The following CAPN9 variants were observed in gnomAD, a reference collection of about 807,000 sequenced individuals.
CAPN9 encodes the protein calpain 9, also known as calpain-9.
Under a neutral mutation model 92.8 loss-of-function variants are expected in CAPN9, and 81 were observed. The ratio of observed to expected loss-of-function variants is 0.87; its 90% CI spans 0.73 to 1.05. The LOEUF (loss-of-function observed/expected upper bound fraction) is 1.05. Among genes scored for constraint, CAPN9 ranks in the 50% least tolerant of loss-of-function variants. CAPN9 has a pLI of 0.00. For synonymous variants in CAPN9, 304 were observed against 328.0 expected, an observed-to-expected ratio of 0.93 and a Z score of 0.79; for missense variants, 848 against 866.2, an observed-to-expected ratio of 0.98 and a Z score of 0.26.
chr1:230,757,120 C>T (rs1407891551), intron 2 of CAPN9, among the ~76,000 whole-genome samples: 1 of 152,038 alleles, frequency 6.6e-6, no homozygotes, highest in Non-Finnish European at 1.5e-5. Flanking sequence ...AGAGGGCTGA[C>T]TTGGTATAGG....
chr1:230,801,514 G>A (rs1051785282), intron 19 of CAPN9, 56 bp from the exon 20 acceptor site: 1 of 1,580,640 alleles, frequency 6.3e-7, no homozygotes, highest in Non-Finnish European at 8.7e-7. Context: ...CTGAGGCTGA[G>A]GCTGGAAGGG....
At position 230,800,217 on chromosome 1, in the gene CAPN9, AAATAAGAAAGAAAG is replaced by A. The variant is rs1361191720; in HGVS notation, c.2047-1350_2047-1337del. 4.3e-4 allele frequency among the ~76,000 whole-genome samples: 38 copies of A among 89,032 alleles called. 4 individuals carry two copies. The highest frequency in any genetic ancestry group is 1.1e-3 in the South Asian group (3 of 2,810). 58.4% of individuals were successfully genotyped at this position (89,032 alleles called of 152,430 possible). On this transcript the variant is annotated intron_variant, in intron 19 of 19. Transcript: ENST00000271971. ...GAAGGAAAAGAAAGAAAAGAAAGAA[AAATAAGAAAGAAAG>A]AAGAAAGAAAGAAAGAAAGAAAGAA...
intron 9 of CAPN9, 81 bp from the exon 10 acceptor site, chr1:230,780,098 G>A: frequency 2.3e-6 from 2 of 880,800 alleles, no homozygotes; most frequent in South Asian, 1.6e-5. Flanking sequence ...GTGTGTGTGT[G>A]TGTGTGTGTG....
At chr1:230,756,764 C>A (rs531581068) in intron 2 of CAPN9, among the ~76,000 whole-genome samples, 1 of 151,882 alleles carries the variant, frequency 6.6e-6, no homozygotes, top group Non-Finnish European at 1.5e-5. Flanking sequence ...AGTGAGGGCT[C>A]GCCTCTACTA....
chr1:230,774,930 G>A (rs1666654178), intron 8 of CAPN9, among the ~76,000 whole-genome samples: 1 of 151,710 alleles, frequency 6.6e-6, no homozygotes, highest in South Asian at 2.1e-4. Context: ...TAGTAGAGAT[G>A]GGGTTTCACC....
At chr1:230,749,212 G>A (rs1440770961) in intron 1 of CAPN9, among the ~76,000 whole-genome samples, 1 of 152,240 alleles carries the variant, frequency 6.6e-6, no homozygotes, top group African/African-American at 2.4e-5. Flanking sequence ...AAGCCACGCT[G>A]TGATTGTTTT....
At position 230,791,934 on chromosome 1, in the gene CAPN9, C is replaced by T. The variant is rs112993459; in HGVS notation, c.1722+6C>T. 1.2e-6 allele frequency: 2 copies of T among 1,605,352 alleles called. No homozygotes were observed. Among genetic ancestry groups the T allele is most frequent in the African/African-American group, 1.3e-5 (1 of 74,838 alleles). ...ACATCATTTCCCTGATGGACGTATC[C>T]TTCCAAATATTTGAGCAGAAATAGA... On this transcript the variant is annotated splice_donor_region_variant and intron_variant, in intron 15 of 19. Transcript: ENST00000271971.
At chr1:230,751,627 G>GAAAC (rs1280301265) in intron 1 of CAPN9, among the ~76,000 whole-genome samples, 1 of 77,612 alleles carries the variant, frequency 1.3e-5, no homozygotes, top group East Asian at 3.2e-4. Context: ...AAGAAAGAAA[G>GAAAC]AAAGAAAGAA....
intron 1 of CAPN9, among the ~76,000 whole-genome samples, chr1:230,752,466 T>C (rs1256254028): frequency 1.3e-5 from 2 of 152,150 alleles, no homozygotes; most frequent in East Asian, 3.9e-4. Context: ...TGCGATCTGG[T>C]TTAAAACAAA....
At chr1:230,787,947 A>T (rs1275915253) in intron 13 of CAPN9, among the ~76,000 whole-genome samples, 1 of 152,090 alleles carries the variant, frequency 6.6e-6, no homozygotes, top group East Asian at 1.9e-4. Flanking sequence ...CCTCAAACTC[A>T]TGGGCTCAAG....
intron 1 of CAPN9, among the ~76,000 whole-genome samples, chr1:230,751,668 AAAGAAAGAAAGAAAGAAGG>A (rs1558080297): frequency 1.5e-3 from 81 of 53,280 alleles, no homozygotes; most frequent in Non-Finnish European, 2.0e-3. Flanking sequence ...AGAAAGAAAG[AAAGAAAGAAAGAAAGAAGG>A]GTGGCTTTTC....
intron 11 of CAPN9, 49 bp from the exon 12 acceptor site, chr1:230,785,932 A>T (rs758159676): frequency 1.6e-5 from 25 of 1,577,730 alleles, no homozygotes; most frequent in African/African-American, 2.7e-5. Context: ...GCAGATCCCA[A>T]TGGGAAGTTA....
intron 9 of CAPN9, among the ~76,000 whole-genome samples, chr1:230,779,617 CA>C (rs764335674): frequency 2.0e-5 from 3 of 151,820 alleles, no homozygotes; most frequent in East Asian, 1.9e-4. Flanking sequence ...CTGGGGGTAT[CA>C]AAAAAAAGCC....
chr1:230,793,579 C>A (rs557236567), intron 17 of CAPN9, among the ~76,000 whole-genome samples: 41 of 152,336 alleles, frequency 2.7e-4, no homozygotes, highest in African/African-American at 9.1e-4. Flanking sequence ...CTCTGCAGAC[C>A]TCCCGCCTGC....
At chr1:230,789,644 A>C (rs757850990) in intron 13 of CAPN9, among the ~76,000 whole-genome samples, 28 of 152,116 alleles carry the variant, frequency 1.8e-4, no homozygotes, top group Non-Finnish European at 3.8e-4. Flanking sequence ...CCTAGGTCTT[A>C]AAAATAGGAC....
At chr1:230,764,492 G>A (rs1665840604) in intron 4 of CAPN9, among the ~76,000 whole-genome samples, 1 of 152,206 alleles carries the variant, frequency 6.6e-6, no homozygotes, top group South Asian at 2.1e-4. Context: ...ATGGCAGATT[G>A]TGAGATTTCT....
chr1:230,787,801 G>A (rs574633163), intron 13 of CAPN9, among the ~76,000 whole-genome samples, 199 bp downstream of exon 13: 3 of 152,224 alleles, frequency 2.0e-5, no homozygotes, highest in African/African-American at 4.8e-5. Context: ...GTCTGCGGCT[G>A]TGGATGGGGC....
At chr1:230,797,573 C>T (rs1263906295) in intron 18 of CAPN9, among the ~76,000 whole-genome samples, 1 of 152,124 alleles carries the variant, frequency 6.6e-6, no homozygotes, top group African/African-American at 2.4e-5. Context: ...TAAAGCTACC[C>T]GAGAGATTCT....
chr1:230,800,071 G>C (rs892721261), intron 19 of CAPN9, among the ~76,000 whole-genome samples: 2 of 151,770 alleles, frequency 1.3e-5, no homozygotes, highest in African/African-American at 4.8e-5. Flanking sequence ...CCAGCTACTC[G>C]GGAGGCTGAG....
Sources: allele counts gnomAD v4.1 joint callset (sites outside exome capture counted in the v4.1 genomes callset), GRCh38; gene constraint gnomAD v4.1.1; transcripts MANE v1.5; gene names NCBI Gene and HGNC (gene_info 2026-07-23, HGNC 2026-07-21).